RBFOX1: variants seen among roughly 807,000 people sequenced by gnomAD.
RBFOX1 encodes RNA binding protein fox-1 homolog 1.
A neutral mutation model predicts 57.7 loss-of-function variants in RBFOX1; 8 were observed. The ratio of observed to expected loss-of-function variants is 0.14; its 90% confidence interval spans 0.08 to 0.25. The LOEUF (loss-of-function observed/expected upper bound fraction) is 0.25, where lower values mean the gene tolerates loss of function less well. Ranked by LOEUF, RBFOX1 falls within the 10% of genes least tolerant of loss-of-function variation. RBFOX1 has a pLI of 1.00. For missense variants in RBFOX1, 611 were observed against 548.5 expected, an observed-to-expected ratio of 1.11 and a Z score of -1.14; for synonymous variants, 326 against 222.4, an observed-to-expected ratio of 1.47 and a Z score of -4.15.
intron 3 of RBFOX1, among the ~76,000 whole-genome samples, chr16:6,898,098 C>A (rs1474081566): frequency 6.6e-6 from 1 of 152,122 alleles, no homozygotes; most frequent in South Asian, 2.1e-4. Context: ...TGAGGTGAAC[C>A]GAGTAAATTC....
intron 4 of RBFOX1, among the ~76,000 whole-genome samples, chr16:7,445,804 C>A (rs2098803367): frequency 6.6e-6 from 1 of 152,284 alleles, no homozygotes; most frequent in Middle Eastern, 3.4e-3. Flanking sequence ...ACCTAATCTA[C>A]AACAACAAAT....
intron 4 of RBFOX1, among the ~76,000 whole-genome samples, chr16:7,427,481 G>C (rs1222833646): frequency 1.3e-5 from 2 of 152,010 alleles, no homozygotes; most frequent in African/African-American, 4.8e-5. Context: ...CTTAACAACT[G>C]TGTGTAGCTC....
At chr16:7,164,559 T>G (rs1542549) in intron 4 of RBFOX1, among the ~76,000 whole-genome samples, 39,475 of 152,108 alleles carry the variant, frequency 0.26, 5,986 homozygotes, top group East Asian at 0.44. Context: ...TTATATACTA[T>G]GTGTGAAAAG....
chr16:6,202,522 C>T (rs1233636717), intron 1 of RBFOX1, among the ~76,000 whole-genome samples: 5 of 152,004 alleles, frequency 3.3e-5, no homozygotes, highest in African/African-American at 9.7e-5. Flanking sequence ...ACTCATGCAC[C>T]TCTAGAGTTT....
chr16:6,988,975 C>G (rs2090930961), intron 3 of RBFOX1, among the ~76,000 whole-genome samples: 1 of 151,994 alleles, frequency 6.6e-6, no homozygotes, highest in Non-Finnish European at 1.5e-5. Context: ...GTTGGCTAGG[C>G]TGCTCTTGAA....
chr16:5,370,584 C>T lies in RBFOX1; in HGVS notation c.220-96632C>T, dbSNP rs535065264. ...CTCAGCTCAGCGTAGCCTCTAATTCCTGGCCTGGAGTGATCCTCCTGCCTC... is the reference window on the plus strand; with the variant it reads ...CTCAGCTCAGCGTAGCCTCTAATTCTTGGCCTGGAGTGATCCTCCTGCCTC... On this transcript the variant is annotated intron_variant, in intron 1 of 2. Transcript: ENST00000585867. Among the ~76,000 whole-genome samples, 5 of 152,098 alleles carry T rather than the reference C, an allele frequency of 3.3e-5. 1 individual carries two copies. The South Asian group carries it at 8.3e-4, about 25-fold the overall frequency.
chr16:5,523,113 C>G (rs1317794119), intron 2 of RBFOX1, among the ~76,000 whole-genome samples: 3 of 152,062 alleles, frequency 2.0e-5, no homozygotes, highest in Non-Finnish European at 2.9e-5. Context: ...TGGTGCAATC[C>G]CATGTCTACT....
intron 2 of RBFOX1, among the ~76,000 whole-genome samples, chr16:6,585,613 T>G (rs2097598728): frequency 1.3e-5 from 2 of 152,182 alleles, no homozygotes; most frequent in African/African-American, 4.8e-5. Flanking sequence ...GATAGTGCTG[T>G]GTTGCTGGTT....
At chr16:7,173,467 G>C (rs899339007) in intron 4 of RBFOX1, among the ~76,000 whole-genome samples, 1 of 152,008 alleles carries the variant, frequency 6.6e-6, no homozygotes, top group Non-Finnish European at 1.5e-5. Flanking sequence ...CGAATGTTTT[G>C]TGTGAACACG....
chr16:6,881,803 A>C (rs2062993763), intron 3 of RBFOX1, among the ~76,000 whole-genome samples: 1 of 152,080 alleles, frequency 6.6e-6, no homozygotes, highest in African/African-American at 2.4e-5. Flanking sequence ...TGCAACCTAC[A>C]TACTGGGTAC....
chr16:6,699,194 T>C (rs1017139799), intron 3 of RBFOX1, among the ~76,000 whole-genome samples: 1 of 152,142 alleles, frequency 6.6e-6, no homozygotes, highest in Non-Finnish European at 1.5e-5. Context: ...TTTATCAGTA[T>C]GCAAGGCAGC....
chr16:5,985,923 C>T (rs954112886), intron 4 of RBFOX1, among the ~76,000 whole-genome samples: 2 of 152,188 alleles, frequency 1.3e-5, no homozygotes, highest in Non-Finnish European at 2.9e-5. Flanking sequence ...TGCTACTTTT[C>T]ATCTTTTCAT....
At chr16:6,724,164 T>C (rs1053436206) in intron 3 of RBFOX1, among the ~76,000 whole-genome samples, 3 of 152,058 alleles carry the variant, frequency 2.0e-5, no homozygotes, top group African/African-American at 7.2e-5. Flanking sequence ...ACAGACCTCC[T>C]TGCCTTGTTG....
chr16:7,571,839 A>T (rs2152776562), intron 5 of RBFOX1, among the ~76,000 whole-genome samples: 1 of 152,242 alleles, frequency 6.6e-6, no homozygotes, highest in Middle Eastern at 3.4e-3. Context: ...GAAATAAAAC[A>T]AAAGCTAGGC....
intron 3 of RBFOX1, among the ~76,000 whole-genome samples, chr16:5,668,699 T>C (rs1048957839): frequency 6.6e-6 from 1 of 152,182 alleles, no homozygotes; most frequent in South Asian, 2.1e-4. Flanking sequence ...TGTCTCTGTA[T>C]GTGACAAGTC....
chr16:7,196,826 T>C (rs995261687), intron 4 of RBFOX1, among the ~76,000 whole-genome samples: 3 of 152,056 alleles, frequency 2.0e-5, no homozygotes, highest in Admixed American at 6.5e-5. Context: ...GAAGGGTGTT[T>C]CAAGCAAAGA....
chr16:6,450,833 A>ACACATATATATATATG lies in RBFOX1; in HGVS notation c.-64+133776_-64+133777insCACATATATATATATG, dbSNP rs1567303768. Among the ~76,000 whole-genome samples the ACACATATATATATATG allele has an allele frequency of 2.6e-4, 9 of 35,038 alleles. 1 individual carries two copies. The highest frequency in any genetic ancestry group is 1.3e-3 in the African/African-American group (9 of 6,958). 23.0% of individuals were successfully genotyped at this position (35,038 alleles called of 152,430 possible). On this transcript the variant is annotated intron_variant, in intron 2 of 15. Transcript: ENST00000550418. ...TATATATATACATATATATATATAT[A>ACACATATATATATATG]TATGTGTATATATATATATATATAT...
At chr16:6,426,054 C>G (rs2093916787) in intron 2 of RBFOX1, among the ~76,000 whole-genome samples, 1 of 150,126 alleles carries the variant, frequency 6.7e-6, no homozygotes, top group South Asian at 2.1e-4. Flanking sequence ...TTGTAGCTAG[C>G]TGTTTCTCTG....
rs748095632 is a variant in RBFOX1 at position 5,821,288 on chromosome 16, C to CTTTTTTTTTTTTTTTT, written c.319-46008_319-46007insTTTTTTTTTTTTTTTT. 4.8e-5 allele frequency among the ~76,000 whole-genome samples: 6 copies of CTTTTTTTTTTTTTTTT among 125,448 alleles called. 2 individuals are homozygous for CTTTTTTTTTTTTTTTT. Among genetic ancestry groups the CTTTTTTTTTTTTTTTT allele is most frequent in the Non-Finnish European group, 8.4e-5 (5 of 59,874 alleles). The allele number at this position is 125,448 out of a possible 152,430, so 82.3% of individuals were successfully genotyped here. A position where few individuals can be genotyped will look rare whatever the true frequency, so the allele number is the denominator to read the frequency against. ...GGAAGTGGGCTGTCTGTCATTCTCT[C>CTTTTTTTTTTTTTTTT]TTTTTTTATTTTTTTTTTTTTTTTT... On this transcript the variant is annotated intron_variant, in intron 3 of 19. Coordinates refer to the RBFOX1 transcript ENST00000641259.
Sources: gnomAD v4.1 joint callset for allele counts (sites outside exome capture counted in the v4.1 genomes callset) on GRCh38, gnomAD v4.1.1 for gene constraint, MANE v1.5 for transcripts, NCBI Gene and HGNC (gene_info 2026-07-23, HGNC 2026-07-21) for gene names.